CDKL4: variants seen among roughly 807,000 people sequenced by gnomAD.
The protein encoded by CDKL4 is cyclin dependent kinase like 4, also known as cyclin-dependent kinase-like 4.
CDKL4 carries 44 observed loss-of-function variants against 42.0 expected under a neutral mutation model. The ratio of observed to expected loss-of-function variants is 1.05; its 90% CI spans 0.82 to 1.35. The LOEUF (loss-of-function observed/expected upper bound fraction) is 1.35, where lower values mean the gene tolerates loss of function less well. Among genes scored for constraint, CDKL4 ranks in the 40% most tolerant of loss-of-function variants. CDKL4 has a pLI of 0.00. For synonymous variants in CDKL4, 120 were observed against 121.6 expected, an observed-to-expected ratio of 0.99 and a Z score of 0.09; for missense variants, 393 against 369.9, an observed-to-expected ratio of 1.06 and a Z score of -0.51.
chr2:39,224,589 C>T (rs879901524), intron 3 of CDKL4, among the ~76,000 whole-genome samples: 9 of 148,608 alleles, frequency 6.1e-5, no homozygotes, highest in South Asian at 4.3e-4. Flanking sequence ...CTGCATCCTC[C>T]GCCTCCTGGG....
chr2:39,179,106 C>T (rs1675293532), intron 9 of CDKL4, 81 bp downstream of exon 9: 3 of 1,547,800 alleles, frequency 1.9e-6, no homozygotes, highest in Non-Finnish European at 2.6e-6. Flanking sequence ...TGGTGTCCAC[C>T]TTGTCTCACT....
chr2:39,172,090 C>T (rs1327545265), downstream of CDKL4, among the ~76,000 whole-genome samples: 1 of 152,076 alleles, frequency 6.6e-6, no homozygotes, highest in East Asian at 1.9e-4. Context: ...GCAGGCGGAT[C>T]ACGAGGTCAG....
chr2:39,195,573 T>C (rs1025994299), intron 5 of CDKL4, among the ~76,000 whole-genome samples: 1 of 152,140 alleles, frequency 6.6e-6, no homozygotes, highest in Admixed American at 6.5e-5. Context: ...ACCATAAGCA[T>C]CTTTCATGTG....
At chr2:39,243,600 T>TCC (rs896606908) in intron 1 of CDKL4, among the ~76,000 whole-genome samples, 5 of 152,374 alleles carry the variant, frequency 3.3e-5, no homozygotes, top group African/African-American at 1.2e-4. Context: ...TAGGTAGGCC[T>TCC]CCGCCTTGCG....
chr2:39,170,081 C>G, the CDKL4 span, among the ~76,000 whole-genome samples: 2 of 152,062 alleles, frequency 1.3e-5, no homozygotes, highest in African/African-American at 4.8e-5. Context: ...CCAGGCTAGT[C>G]TCAAACTCCT....
chr2:39,202,520 A>C (rs1034851374), intron 5 of CDKL4, among the ~76,000 whole-genome samples: 6 of 152,096 alleles, frequency 3.9e-5, no homozygotes, highest in African/African-American at 1.4e-4. Flanking sequence ...GATGCACAGA[A>C]GTTTTTAATT....
intron 3 of CDKL4, among the ~76,000 whole-genome samples, chr2:39,214,914 G>A (rs1444867326): frequency 6.6e-6 from 1 of 152,158 alleles, no homozygotes; most frequent in Non-Finnish European, 1.5e-5. Context: ...GGGATTGGGG[G>A]TCTGGGAAAC....
intron 3 of CDKL4, among the ~76,000 whole-genome samples, chr2:39,217,746 T>C (rs923027794): frequency 2.2e-5 from 3 of 134,598 alleles, no homozygotes; most frequent in Non-Finnish European, 3.2e-5. Flanking sequence ...ATTTATTTAT[T>C]TTTTGAGATA....
rs558272520 is a variant in CDKL4 at position 39,223,523 on chromosome 2, C to T, written c.290+2316G>A. Reference sequence around the variant, plus strand: ...TACCTTGCTAAAAAGTTTTGAATTTCCTTGATTAATAGGGAAGGATAAGCA... The same window carrying T: ...TACCTTGCTAAAAAGTTTTGAATTTTCTTGATTAATAGGGAAGGATAAGCA... On this transcript the variant is annotated intron_variant, in intron 3 of 9. Transcript: ENST00000451199. Among the ~76,000 whole-genome samples the T allele has an allele frequency of 4.0e-5, 6 of 149,242 alleles. No homozygotes were observed. In the South Asian group the frequency reaches 1.3e-3, roughly 31 times the overall value.
At chr2:39,213,225 T>C (rs571255338) in intron 4 of CDKL4, among the ~76,000 whole-genome samples, 175 bp downstream of exon 4, 1 of 152,246 alleles carries the variant, frequency 6.6e-6, no homozygotes, top group South Asian at 2.1e-4. Flanking sequence ...GCTCATGTGA[T>C]CCTCCCACTT....
At chr2:39,173,846 G>C (rs968539799), downstream of CDKL4, among the ~76,000 whole-genome samples, 1 of 150,692 alleles carries the variant, frequency 6.6e-6, no homozygotes, top group Non-Finnish European at 1.5e-5. Context: ...AGCTGGGCAT[G>C]GTGGCATGTC....
At chr2:39,178,727 A>G in intron 9 of CDKL4, 1 of 1,608,650 alleles carries the variant, frequency 6.2e-7, no homozygotes, top group South Asian at 1.1e-5. Context: ...TGGTTTTGAG[A>G]AAAAGCCTAG....
At chr2:39,231,152 C>T (rs1679073339) in intron 1 of CDKL4, among the ~76,000 whole-genome samples, 1 of 152,186 alleles carries the variant, frequency 6.6e-6, no homozygotes, top group South Asian at 2.1e-4. Flanking sequence ...GTGGAGGTTG[C>T]AGTGAGCTGA....
chr2:39,232,184 G>C (rs1287077872), intron 1 of CDKL4, among the ~76,000 whole-genome samples: 1 of 152,058 alleles, frequency 6.6e-6, no homozygotes, highest in Non-Finnish European at 1.5e-5. Context: ...CAACCAAACT[G>C]CTAAATACAA....
At chr2:39,191,722 C>T (rs1676194639) in intron 5 of CDKL4, among the ~76,000 whole-genome samples, 1 of 152,162 alleles carries the variant, frequency 6.6e-6, no homozygotes, top group South Asian at 2.1e-4. Flanking sequence ...GCTAGGTGCA[C>T]CCTCACTGCC....
intron 5 of CDKL4, among the ~76,000 whole-genome samples, chr2:39,202,170 T>C (rs1266837391): frequency 6.6e-6 from 1 of 151,406 alleles, no homozygotes; most frequent in African/African-American, 2.4e-5. Context: ...AAGTGGAGTT[T>C]GCGGTGAGCC....
chr2:39,211,938 T>C (rs963119224), intron 4 of CDKL4, among the ~76,000 whole-genome samples: 1 of 152,134 alleles, frequency 6.6e-6, no homozygotes, highest in Non-Finnish European at 1.5e-5. Context: ...AACCTGAATA[T>C]GATCAAGCCT....
Position 39,185,318 on chromosome 2 carries a change from A to G in CDKL4, c.736-671T>C, listed in dbSNP as rs1433883927. 1.6e-3 allele frequency among the ~76,000 whole-genome samples: 8 copies of G among 4,902 alleles called. No homozygotes were observed. In the East Asian group the frequency reaches 0.096, roughly 59 times the overall value. 3.2% of individuals were successfully genotyped at this position (4,902 alleles called of 152,430 possible). A position where few individuals can be genotyped will look rare whatever the true frequency, so the allele number is the denominator to read the frequency against. On this transcript the variant is annotated intron_variant, in intron 7 of 9. Coordinates refer to ENST00000451199, the Ensembl canonical transcript of CDKL4. ...TATATATACACATATGTATATATAC[A>G]TATATATACACATATGTATATATAT...
At chr2:39,239,179 C>T (rs1679522569) in intron 1 of CDKL4, among the ~76,000 whole-genome samples, 1 of 152,006 alleles carries the variant, frequency 6.6e-6, no homozygotes, top group South Asian at 2.1e-4. Context: ...TAGACAGACA[C>T]CTCACACAAT....
Sources: allele counts gnomAD v4.1 joint callset (sites outside exome capture counted in the v4.1 genomes callset), GRCh38; gene constraint gnomAD v4.1.1; transcripts MANE v1.5; gene names NCBI Gene and HGNC (gene_info 2026-07-23, HGNC 2026-07-21).